CPNE4: variants seen among roughly 807,000 people sequenced by gnomAD.
CPNE4 encodes the protein copine 4, also known as copine-4.
A neutral mutation model predicts 67.9 loss-of-function variants in CPNE4; 25 were observed. The observed-to-expected ratio is 0.37, with a 90% CI of 0.27 to 0.51. CPNE4 has a LOEUF of 0.51. Ranked by LOEUF, CPNE4 falls within the 20% of genes least tolerant of loss-of-function variation. The probability of loss-of-function intolerance (pLI) is 0.93; values close to 1 mark genes in which losing one functional copy is unlikely to be tolerated. For missense variants in CPNE4, 464 were observed against 690.8 expected (o/e 0.67, Z 3.68); for synonymous variants, 242 against 244.9 (o/e 0.99, Z 0.11).
At chr3:131,685,171 A>G (rs1244642337) in intron 6 of CPNE4, among the ~76,000 whole-genome samples, 2 of 141,232 alleles carry the variant, frequency 1.4e-5, no homozygotes, top group Non-Finnish European at 3.2e-5. Context: ...CTTCAACTGT[A>G]AAATGGGGGT....
chr3:131,693,946 A>C (rs1479188744), intron 5 of CPNE4, among the ~76,000 whole-genome samples: 2 of 152,084 alleles, frequency 1.3e-5, no homozygotes, highest in African/African-American at 4.8e-5. Flanking sequence ...GCTTTCAGTA[A>C]GTCATGCCAC....
At chr3:131,826,151 C>A (rs2085150859) in intron 2 of CPNE4, among the ~76,000 whole-genome samples, 1 of 152,142 alleles carries the variant, frequency 6.6e-6, no homozygotes, top group Non-Finnish European at 1.5e-5. Flanking sequence ...CATAGATGTA[C>A]TGTATATTCT....
At chr3:131,878,541 T>A (rs550302113) in intron 2 of CPNE4, among the ~76,000 whole-genome samples, 75 of 152,238 alleles carry the variant, frequency 4.9e-4, no homozygotes, top group Non-Finnish European at 8.8e-4. Context: ...TTAATCTGGA[T>A]GCTGGTTTTA....
At chr3:131,577,560 C>T (rs1290305096) in intron 9 of CPNE4, among the ~76,000 whole-genome samples, 1 of 151,984 alleles carries the variant, frequency 6.6e-6, no homozygotes, top group Non-Finnish European at 1.5e-5. Context: ...CTAAACATAT[C>T]TAAACATAAA....
chr3:131,657,364 T>A (rs76329892), intron 7 of CPNE4, among the ~76,000 whole-genome samples: 3,260 of 152,266 alleles, frequency 0.021, 59 homozygotes, highest in Middle Eastern at 0.061. Context: ...CCTCATCAAT[T>A]AATGAGTTGA....
chr3:131,806,755 CAT>C (rs1346588345), intron 2 of CPNE4, among the ~76,000 whole-genome samples: 1 of 152,132 alleles, frequency 6.6e-6, no homozygotes, highest in Non-Finnish European at 1.5e-5. Flanking sequence ...TGGTTTCTAA[CAT>C]GTGGTCACTC....
At position 131,723,511 on chromosome 3, in the gene CPNE4, T is replaced by C; in HGVS notation, c.295A>G (p.Ser99Gly). The change falls in exon 3 of 16, where the codon AGC (serine) becomes GGC (glycine). Residue 99 changes from serine (S) to glycine (G), a missense_variant. This residue lies in a region of CPNE4 where 170 missense variants were observed against 203.3 expected (regional missense o/e 0.84). Coordinates refer to ENST00000429747, the MANE Select transcript of CPNE4 (RefSeq NM_130808.3). ...TCCTTCAGCCCATTGTGGTTGCTGC[T>C]GATGTCATGGACTTCAAACCGCAGG... ...QRLRFEVHDI[S>G]SNHNGLKEAD... 1 of 1,613,950 alleles carries C rather than the reference T, an allele frequency of 6.2e-7. No individual in the cohort carries two copies. The highest frequency in any genetic ancestry group is 8.5e-7 in the Non-Finnish European group (1 of 1,180,024).
chr3:131,657,685 C>A (rs969845789), intron 7 of CPNE4, among the ~76,000 whole-genome samples: 1 of 147,912 alleles, frequency 6.8e-6, no homozygotes, highest in African/African-American at 2.5e-5. Flanking sequence ...CAGGCACGTG[C>A]CACCACGTCC....
chr3:131,743,962 CAAAAAAA>C (rs67791015), intron 2 of CPNE4, among the ~76,000 whole-genome samples: 1 of 59,206 alleles, frequency 1.7e-5, no homozygotes, highest in Admixed American at 2.8e-4. Flanking sequence ...GACTCCGTCT[CAAAAAAA>C]AAAAAAAAAA....
intron 7 of CPNE4, among the ~76,000 whole-genome samples, chr3:131,610,909 C>T (rs1939800570): frequency 6.6e-6 from 1 of 152,106 alleles, no homozygotes; most frequent in African/African-American, 2.4e-5. Context: ...GGTAGGTGAA[C>T]AGGACAATTC....
At chr3:131,599,325 T>C (rs1359118659) in intron 7 of CPNE4, among the ~76,000 whole-genome samples, 1 of 152,042 alleles carries the variant, frequency 6.6e-6, no homozygotes, top group Non-Finnish European at 1.5e-5. Context: ...GGAAGAGGGG[T>C]CAAGTTCCCT....
At position 131,978,926 on chromosome 3, in the gene CPNE4, T is replaced by A. The variant is rs563599396; in HGVS notation, c.-2+55641A>T. Among the ~76,000 whole-genome samples, 43 of 152,166 alleles carry A rather than the reference T, an allele frequency of 2.8e-4. 1 individual carries two copies. Among genetic ancestry groups the A allele is most frequent in the African/African-American group, 9.9e-4 (41 of 41,536 alleles). On this transcript the variant is annotated intron_variant, in intron 1 of 15. Coordinates refer to ENST00000429747, the MANE Select transcript of CPNE4 (RefSeq NM_130808.3). ...TTCAGTTTGAAGAATTTTTTAGTTTTCATCTTAATTTTGTTTTTGATCCAA... is the reference window on the plus strand; with the variant it reads ...TTCAGTTTGAAGAATTTTTTAGTTTACATCTTAATTTTGTTTTTGATCCAA...
At chr3:131,686,010 T>G in intron 5 of CPNE4, 52 bp from the exon 6 acceptor site, 3 of 953,114 alleles carry the variant, frequency 3.1e-6, no homozygotes, top group Non-Finnish European at 3.3e-6. Context: ...TTTGATCTAG[T>G]CCTGATCAAT....
chr3:131,982,027 C>A (rs1209914083), intron 1 of CPNE4, among the ~76,000 whole-genome samples: 1 of 152,136 alleles, frequency 6.6e-6, no homozygotes, highest in Non-Finnish European at 1.5e-5. Context: ...GGAGCTAAAA[C>A]TCACAATATG....
At position 131,533,653 on chromosome 3, in the gene CPNE4, CA is replaced by C. The variant is rs1934996069; in HGVS notation, c.*1541del. The stretch of plus-strand genomic sequence containing the variant: ...AGTCATACAATTTTACCATCATTCC[CA>C]AAATGTTGTGCATTTGGTGACATGT... On this transcript the variant is annotated 3_prime_UTR_variant, in exon 16 of 16. Coordinates refer to ENST00000429747, the MANE Select transcript of CPNE4 (RefSeq NM_130808.3). The C allele has an allele frequency of 2.0e-5, 3 of 152,164 alleles. No homozygotes were observed. Among genetic ancestry groups the C allele is most frequent in the African/African-American group, 7.2e-5 (3 of 41,430 alleles). 9.4% of individuals were successfully genotyped at this position (152,164 alleles called of 1,614,324 possible). A position where few individuals can be genotyped will look rare whatever the true frequency, so the allele number is the denominator to read the frequency against.
chr3:131,930,607 T>G (rs1355276302), intron 1 of CPNE4, among the ~76,000 whole-genome samples: 2 of 152,166 alleles, frequency 1.3e-5, no homozygotes, highest in African/African-American at 4.8e-5. Context: ...CCTGGAGTCC[T>G]GTAATTTGGT....
At chr3:131,923,791 C>G (rs530826601) in intron 1 of CPNE4, among the ~76,000 whole-genome samples, 1 of 150,392 alleles carries the variant, frequency 6.6e-6, no homozygotes, top group Non-Finnish European at 1.5e-5. Context: ...TAAAAGATGC[C>G]TCATGTGGGC....
intron 7 of CPNE4, among the ~76,000 whole-genome samples, chr3:131,646,247 T>C (rs1472359575): frequency 6.6e-6 from 1 of 152,220 alleles, no homozygotes. Flanking sequence ...GCAACATATT[T>C]TTTTCTTCCT....
intron 5 of CPNE4, among the ~76,000 whole-genome samples, chr3:131,693,170 T>A (rs2081068938): frequency 6.6e-6 from 1 of 152,190 alleles, no homozygotes; most frequent in Non-Finnish European, 1.5e-5. Flanking sequence ...GGTGCATTTC[T>A]CTGTCACTGT....
Sources: gnomAD v4.1 joint callset for allele counts (sites outside exome capture counted in the v4.1 genomes callset) on GRCh38, gnomAD v4.1.1 for gene constraint, gnomAD v4.1.1 regional missense constraint, MANE v1.5 for transcripts, NCBI Gene and HGNC (gene_info 2026-07-23, HGNC 2026-07-21) for gene names.